The following VDR variants were observed in gnomAD, a reference collection of about 807,000 sequenced individuals.
VDR encodes vitamin D receptor, also known as vitamin D3 receptor.
Under a neutral mutation model 39.7 loss-of-function variants are expected in VDR, and 19 were observed. That is an observed-to-expected ratio of 0.48 (90% CI 0.33 to 0.70). The LOEUF is 0.70. Ranked by LOEUF, VDR falls within the 30% of genes least tolerant of loss-of-function variation. VDR has a pLI of 0.02. For synonymous variants in VDR, 242 were observed against 215.8 expected (o/e 1.12, Z -1.07); for missense variants, 442 against 570.5 (o/e 0.77, Z 2.29).
intron 9 of VDR, 133 bp downstream of exon 9, chr12:47,846,202 G>T (rs1945276000): frequency 2.1e-5 from 16 of 751,984 alleles, no homozygotes; most frequent in East Asian, 1.6e-4. Flanking sequence ...AACCAGCAAA[G>T]TAGGTATTTC....
At chr12:47,872,102 T>C (rs1199547807) in intron 3 of VDR, among the ~76,000 whole-genome samples, 3 of 152,354 alleles carry the variant, frequency 2.0e-5, no homozygotes, top group Non-Finnish European at 4.4e-5. Context: ...TGACGTTACA[T>C]TTAAAAAATC....
chr12:47,894,516 C>T (rs1946429671), intron 1 of VDR, among the ~76,000 whole-genome samples: 1 of 152,186 alleles, frequency 6.6e-6, no homozygotes, highest in South Asian at 2.1e-4. Flanking sequence ...ATGTCAGCAG[C>T]GGTGGTCCGT....
chr12:47,859,863 TTCTTTCCTTCC>T (rs1565615006), intron 4 of VDR, among the ~76,000 whole-genome samples: 1 of 39,726 alleles, frequency 2.5e-5, no homozygotes, highest in Admixed American at 2.4e-4. Flanking sequence ...CCTTCCTTCC[TTCTTTCCTTCC>T]TTCCTTCCTT....
intron 3 of VDR, among the ~76,000 whole-genome samples, chr12:47,865,958 G>T (rs7968852): frequency 2.0e-5 from 3 of 150,556 alleles, no homozygotes; most frequent in Admixed American, 2.0e-4. Flanking sequence ...CTCATGATCC[G>T]CCTGCCTTGG....
intron 4 of VDR, among the ~76,000 whole-genome samples, chr12:47,859,908 TCCTTCC>T (rs2137153454): frequency 2.2e-5 from 1 of 45,192 alleles, no homozygotes; most frequent in Admixed American, 1.9e-4. Context: ...CTTCCTTCCT[TCCTTCC>T]TTCTTTCTTT....
intron 1 of VDR, among the ~76,000 whole-genome samples, chr12:47,900,603 C>T (rs1946540335): frequency 6.6e-6 from 1 of 152,218 alleles, no homozygotes. Context: ...GCACGTAGCA[C>T]AGCACCTGTT....
At chr12:47,891,210 T>C (rs1946363140) in intron 1 of VDR, among the ~76,000 whole-genome samples, 1 of 152,192 alleles carries the variant, frequency 6.6e-6, no homozygotes, top group African/African-American at 2.4e-5. Flanking sequence ...ACTGTTCAGA[T>C]GCCCCCAGAG....
chr12:47,858,489 T>C (rs1034817239), intron 4 of VDR, among the ~76,000 whole-genome samples: 6 of 152,270 alleles, frequency 3.9e-5, no homozygotes, highest in Non-Finnish European at 8.8e-5. Context: ...CTTGCAGCTC[T>C]AATCTTAGAA....
chr12:47,854,845 C>T (rs866965570), intron 7 of VDR, among the ~76,000 whole-genome samples: 1 of 152,236 alleles, frequency 6.6e-6, no homozygotes, highest in Non-Finnish European at 1.5e-5. Flanking sequence ...TCTGGGCCTA[C>T]GCCAGAGATT....
intron 4 of VDR, among the ~76,000 whole-genome samples, chr12:47,858,278 T>A (rs1018725411): frequency 3.3e-5 from 5 of 152,204 alleles, no homozygotes; most frequent in African/African-American, 1.2e-4. Flanking sequence ...AGAGCTCTCA[T>A]AGCGCTGGAA....
chr12:47,841,864 C>T lies in VDR; in HGVS notation c.*2882G>A, dbSNP rs980373471. The T allele has an allele frequency of 6.6e-6, 1 of 152,316 alleles. No individual in the cohort carries two copies. Among genetic ancestry groups the T allele is most frequent in the Non-Finnish European group, 1.5e-5 (1 of 68,032 alleles). 9.4% of individuals were successfully genotyped at this position (152,316 alleles called of 1,614,324 possible). A position where few individuals can be genotyped will look rare whatever the true frequency, so the allele number is the denominator to read the frequency against. ...TGGAAAATCTTGCATTTTGGGGCAC[C>T]TTCTCCTTCAGTTATAATGATATAC... On this transcript the variant is annotated 3_prime_UTR_variant, in exon 10 of 10. Coordinates refer to ENST00000549336, the MANE Select transcript of VDR (RefSeq NM_000376.3).
chr12:47,857,102 T>G (rs1179686482), intron 6 of VDR, 27 bp downstream of exon 6: 19 of 1,613,620 alleles, frequency 1.2e-5, no homozygotes, highest in Non-Finnish European at 1.6e-5. Flanking sequence ...GCTCCCTTAC[T>G]CTATGGAGGA....
chr12:47,881,104 GTATA>G (rs367879517), intron 2 of VDR, among the ~76,000 whole-genome samples: 1 of 106,238 alleles, frequency 9.4e-6, no homozygotes, highest in Admixed American at 8.9e-5. Context: ...GTGTGTGTGT[GTATA>G]TATATATATA....
At chr12:47,890,380 TA>T (rs1214814174) in intron 1 of VDR, among the ~76,000 whole-genome samples, 2 of 111,094 alleles carry the variant, frequency 1.8e-5, no homozygotes, top group African/African-American at 2.2e-4. Context: ...ATATATTTTA[TA>T]TATATATATA....
rs551011433 is a variant in VDR at position 47,852,584 on chromosome 12, T to C, written c.755+3046A>G. 2.6e-4 allele frequency among the ~76,000 whole-genome samples: 39 copies of C among 152,192 alleles called. No homozygotes were observed. In the South Asian group the frequency reaches 6.0e-3, roughly 23 times the overall value. ...ACCAAAATGTGCAATGCAGTAGGAG[T>C]GTCTCAGCACTGTCTGCCAGTTTTC... is the stretch of plus-strand genomic sequence containing the variant. On this transcript the variant is annotated intron_variant, in intron 7 of 9. Coordinates refer to ENST00000549336, the MANE Select transcript of VDR (RefSeq NM_000376.3).
At chr12:47,865,880 T>A (rs903133713) in intron 3 of VDR, among the ~76,000 whole-genome samples, 1 of 149,724 alleles carries the variant, frequency 6.7e-6, no homozygotes, top group African/African-American at 2.5e-5. Flanking sequence ...TCCTGGCTAA[T>A]TTTTTTTTGT....
intron 2 of VDR, among the ~76,000 whole-genome samples, chr12:47,880,620 C>T (rs1255575205): frequency 6.6e-6 from 1 of 152,150 alleles, no homozygotes; most frequent in Non-Finnish European, 1.5e-5. Flanking sequence ...ATCCCGGTCA[C>T]AGACCTCGGA....
chr12:47,902,183 G>A (rs547151105), intron 1 of VDR, among the ~76,000 whole-genome samples: 2 of 152,176 alleles, frequency 1.3e-5, no homozygotes, highest in South Asian at 2.1e-4. Flanking sequence ...GTATAACCAT[G>A]CATGGCATCC....
chr12:47,893,617 T>C (rs1324816748), intron 1 of VDR, among the ~76,000 whole-genome samples: 2 of 152,142 alleles, frequency 1.3e-5, no homozygotes, highest in African/African-American at 4.8e-5. Context: ...TCAGATATGG[T>C]TGATGGGCGC....
Sources: allele counts gnomAD v4.1 joint callset (sites outside exome capture counted in the v4.1 genomes callset), GRCh38; gene constraint gnomAD v4.1.1; transcripts MANE v1.5; gene names NCBI Gene and HGNC (gene_info 2026-07-23, HGNC 2026-07-21).